The following SCN1A variants were observed in gnomAD, a reference collection of about 807,000 sequenced individuals.
SCN1A encodes sodium channel protein type 1 subunit alpha.
SCN1A carries 13 observed loss-of-function variants against 193.7 expected under a neutral mutation model. The ratio of observed to expected loss-of-function variants is 0.07; its 90% CI spans 0.04 to 0.11. SCN1A has a LOEUF of 0.11. Ranked by LOEUF, SCN1A falls within the 10% of genes least tolerant of loss-of-function variation. The pLI, the probability that SCN1A is intolerant of heterozygous loss-of-function variation, is 1.00. For missense variants in SCN1A, 1,432 were observed against 2,451.1 expected (o/e 0.58, Z 8.78); for synonymous variants, 781 against 843.6 (o/e 0.93, Z 1.29).
intron 2 of SCN1A, among the ~76,000 whole-genome samples, chr2:166,099,435 C>T (rs1379080744): frequency 6.8e-6 from 1 of 146,840 alleles, no homozygotes; most frequent in African/African-American, 2.5e-5. Context: ...GGAAGCATTC[C>T]CTTTGAAAAC....
chr2:166,047,524 TCTG>T lies in SCN1A; in HGVS notation c.1170+100_1170+102del. On this transcript the variant is annotated intron_variant, in intron 11 of 28. Coordinates refer to ENST00000674923, the MANE Select transcript of SCN1A (RefSeq NM_001165963.4). ...GAGGAACTCAAGTCTCGTTTCAAGT[TCTG>T]CTCTTTCTACTATATTATCATCCGG... The T allele has an allele frequency of 4.6e-6, 6 of 1,311,708 alleles. No homozygotes were observed. In the South Asian group the frequency reaches 7.1e-5, roughly 16 times the overall value. 81.3% of individuals were successfully genotyped at this position (1,311,708 alleles called of 1,614,324 possible). A position where few individuals can be genotyped will look rare whatever the true frequency, so the allele number is the denominator to read the frequency against.
At chr2:166,032,959 C>A (rs759278810) in intron 19 of SCN1A, among the ~76,000 whole-genome samples, 1 of 152,056 alleles carries the variant, frequency 6.6e-6, no homozygotes, top group Non-Finnish European at 1.5e-5. Context: ...TTTATGAGAG[C>A]CCTTCAGAAT....
intron 2 of SCN1A, among the ~76,000 whole-genome samples, chr2:166,095,099 C>T (rs1314885055): frequency 6.6e-6 from 1 of 152,162 alleles, no homozygotes; most frequent in East Asian, 1.9e-4. Flanking sequence ...AGTTTATACC[C>T]ATTTTAAATG....
intron 12 of SCN1A, 76 bp downstream of exon 12, chr2:166,046,694 G>T: frequency 1.4e-6 from 2 of 1,384,182 alleles, no homozygotes; most frequent in Non-Finnish European, 2.1e-6. Flanking sequence ...CTGCTCTTAG[G>T]TACTCACTTT....
chr2:166,077,277 G>A lies in SCN1A; in HGVS notation c.-50+433C>T, dbSNP rs1280821546. ...TACTATCAAGAGAATAGGAAGGCAA[G>A]CCACATACTAAGAAAAATATTTGCA... On this transcript the variant is annotated intron_variant, in intron 3 of 28. Transcript: ENST00000674923. The A allele has an allele frequency of 3.3e-5, 5 of 150,020 alleles. No individual in the cohort carries two copies. The East Asian group carries it at 5.8e-4, about 17-fold the overall frequency. 9.3% of individuals were successfully genotyped at this position (150,020 alleles called of 1,614,324 possible).
chr2:166,125,250 C>T (rs1175355362), intron 2 of SCN1A, among the ~76,000 whole-genome samples: 1 of 152,208 alleles, frequency 6.6e-6, no homozygotes, highest in Non-Finnish European at 1.5e-5. Flanking sequence ...TGATTCTCTC[C>T]CATCCTTCTC....
chr2:166,034,800 T>G (rs373682360), intron 19 of SCN1A, among the ~76,000 whole-genome samples: 4 of 152,282 alleles, frequency 2.6e-5, no homozygotes, highest in African/African-American at 9.6e-5. Context: ...GGTGCACTTA[T>G]AAGAAGAAGA....
rs1432625412 is a variant in SCN1A at position 165,991,272 on chromosome 2, G to A, written c.6003C>T (p.Gly2001=). Residue 2001 remains glycine, a synonymous_variant, in exon 29 of 29, where the codon GGC becomes GGT. Transcript: ENST00000674923. Reference sequence around the variant, plus strand: ...ATTTCCCTTTGGCTTTTTCATCTTTGCCTTCTTGCTCATGTTTTTCCACAA... The same window carrying A: ...ATTTCCCTTTGGCTTTTTCATCTTTACCTTCTTGCTCATGTTTTTCCACAA... ...KPIVEKHEQE[G]KDEKAKGK 4 of 1,613,090 alleles carry A rather than the reference G, an allele frequency of 2.5e-6. No homozygotes were observed. The highest frequency in any genetic ancestry group is 3.4e-6 in the Non-Finnish European group (4 of 1,179,660).
At chr2:166,047,531 T>C (rs1051556743) in intron 11 of SCN1A, 96 bp downstream of exon 11, 2 of 1,391,904 alleles carry the variant, frequency 1.4e-6, no homozygotes, top group African/African-American at 2.8e-5. Flanking sequence ...AGTTCTGCTC[T>C]TTCTACTATA....
chr2:166,110,287 A>G (rs1371404309), intron 2 of SCN1A, among the ~76,000 whole-genome samples: 1 of 152,200 alleles, frequency 6.6e-6, no homozygotes, highest in East Asian at 1.9e-4. Flanking sequence ...TGTGAGGAAG[A>G]CATGTTGAAA....
chr2:166,085,034 A>G (rs1007008111), intron 2 of SCN1A, among the ~76,000 whole-genome samples: 1 of 152,178 alleles, frequency 6.6e-6, no homozygotes, highest in African/African-American at 2.4e-5. Flanking sequence ...TGGTTCTCCC[A>G]TCCAGCCCAC....
intron 4 of SCN1A, among the ~76,000 whole-genome samples, chr2:166,064,421 C>A (rs1199707786): frequency 6.6e-6 from 1 of 152,102 alleles, no homozygotes; most frequent in African/African-American, 2.4e-5. Flanking sequence ...AAACCATTGG[C>A]CAAATTATCA....
At chr2:166,149,128 G>A (rs1181862434) in exon 1 of SCN1A, 1 of 152,258 alleles carries the variant, frequency 6.6e-6, no homozygotes, top group Non-Finnish European at 1.5e-5. Context: ...AGTTCCATGA[G>A]TTTCCACAGG....
intron 23 of SCN1A, 25 bp from the exon 24 acceptor site, chr2:166,002,778 A>G (rs777562807): frequency 1.9e-6 from 3 of 1,592,932 alleles, no homozygotes; most frequent in African/African-American, 1.4e-5. Flanking sequence ...GAAAAAAAGA[A>G]AAGTCAGAAT....
In SCN1A at chr2:166,037,034, C is replaced by T. The variant is rs78348347; in HGVS notation, c.2947-504G>A. Among the ~76,000 whole-genome samples the T allele has an allele frequency of 7.3e-3, 1,114 of 152,248 alleles. 22 individuals carry two copies. Among genetic ancestry groups the T allele is most frequent in the African/African-American group, 0.026 (1,071 of 41,546 alleles). On this transcript the variant is annotated intron_variant, in intron 18 of 28. Coordinates refer to ENST00000674923, the MANE Select transcript of SCN1A (RefSeq NM_001165963.4). ...TTAATCTATTATATTTCTCATACTT[C>T]ATTGTTGACTAAGTAGAGCTGTTTA...
chr2:166,064,151 C>G (rs1399506974), intron 4 of SCN1A, among the ~76,000 whole-genome samples: 1 of 152,084 alleles, frequency 6.6e-6, no homozygotes, highest in Admixed American at 6.6e-5. Flanking sequence ...GGTGCAAACT[C>G]TGAAATTAGA....
At chr2:166,119,787 C>T (rs1690329056) in intron 2 of SCN1A, among the ~76,000 whole-genome samples, 1 of 151,994 alleles carries the variant, frequency 6.6e-6, no homozygotes, top group South Asian at 2.1e-4. Flanking sequence ...TTCAAACATT[C>T]AATTGTTTCA....
At chr2:166,047,078 A>G in intron 11 of SCN1A, 102 bp from the exon 12 acceptor site, 1 of 1,316,728 alleles carries the variant, frequency 7.6e-7, no homozygotes, top group Non-Finnish European at 1.1e-6. Flanking sequence ...AGATATAAAT[A>G]GTAATTATGT....
Position 166,012,428 on chromosome 2 carries a change from G to C in SCN1A, c.3706-146C>G, listed in dbSNP as rs115294408. 2,273 of 634,380 alleles carry C rather than the reference G, an allele frequency of 3.6e-3. 40 individuals are homozygous for C. The highest frequency in any genetic ancestry group is 0.034 in the African/African-American group (1,815 of 53,404). The allele number at this position is 634,380 out of a possible 1,614,324, so 39.3% of individuals were successfully genotyped here. ...TTACTGTTACTTTTTTTTTTTCCTC[G>C]CAAAGGTCTTTTACTTATTTAATCA... On this transcript the variant is annotated intron_variant, in intron 21 of 28. Transcript: ENST00000674923.
Sources: gnomAD v4.1 joint callset for allele counts (sites outside exome capture counted in the v4.1 genomes callset) on GRCh38, gnomAD v4.1.1 for gene constraint, MANE v1.5 for transcripts, NCBI Gene and HGNC (gene_info 2026-07-23, HGNC 2026-07-21) for gene names.